RIN2: variants seen among roughly 807,000 people sequenced by gnomAD.
RIN2 encodes RAB5 interacting protein 2.
Under a neutral mutation model 78.0 loss-of-function variants are expected in RIN2, and 36 were observed. The observed-to-expected ratio is 0.46, with a 90% CI of 0.35 to 0.61. The LOEUF is 0.61. Ranked by LOEUF, RIN2 falls within the 20% of genes least tolerant of loss-of-function variation. The pLI is 0.00. For missense variants in RIN2, 1,087 were observed against 1,159.7 expected, an observed-to-expected ratio of 0.94 and a Z score of 0.91; for synonymous variants, 466 against 466.8, an observed-to-expected ratio of 1.00 and a Z score of 0.02.
At chr20:19,847,735 TAAATA>T (rs1473640706) in intron 2 of RIN2, among the ~76,000 whole-genome samples, 22 of 152,238 alleles carry the variant, frequency 1.4e-4, no homozygotes, top group Middle Eastern at 3.2e-3. Context: ...ATTGGGAAAT[TAAATA>T]GTATTAAAAT....
chr20:19,896,697 G>T (rs140543085), intron 3 of RIN2, among the ~76,000 whole-genome samples: 23 of 152,288 alleles, frequency 1.5e-4, no homozygotes, highest in African/African-American at 4.1e-4. Flanking sequence ...ACCTGTATCT[G>T]GATGTGTCTT....
chr20:19,779,681 G>A (rs1209842161), intron 1 of RIN2, among the ~76,000 whole-genome samples: 8 of 152,180 alleles, frequency 5.3e-5, no homozygotes, highest in Non-Finnish European at 1.2e-4. Context: ...GGAAAAACAA[G>A]TATTAATATT....
intron 2 of RIN2, among the ~76,000 whole-genome samples, chr20:19,849,154 C>T (rs142246749): frequency 3.8e-3 from 583 of 152,076 alleles, no homozygotes; most frequent in Non-Finnish European, 6.6e-3. Flanking sequence ...ACTTAAACCA[C>T]CAGATTTTGC....
In RIN2 at chr20:19,904,667, A is replaced by G. The variant is rs1041807166; in HGVS notation, c.57+15009A>G. ...GGCAGGCCGGAAGGGCAGGAGGGGCAGGATGCCAGTCATGCCAGCCAGGTG... is the reference window on the plus strand; with the variant it reads ...GGCAGGCCGGAAGGGCAGGAGGGGCGGGATGCCAGTCATGCCAGCCAGGTG... On this transcript the variant is annotated intron_variant, in intron 3 of 12. Coordinates refer to ENST00000255006, the MANE Select transcript of RIN2 (RefSeq NM_018993.4). Among the ~76,000 whole-genome samples, 5 of 152,374 alleles carry G rather than the reference A, an allele frequency of 3.3e-5. No individual in the cohort carries two copies. The East Asian group carries it at 9.7e-4, about 29-fold the overall frequency.
intron 3 of RIN2, among the ~76,000 whole-genome samples, chr20:19,912,386 G>A (rs1338429608): frequency 6.6e-6 from 1 of 151,826 alleles, no homozygotes; most frequent in Admixed American, 6.6e-5. Context: ...ATCTCAGCCA[G>A]TTCACCTGGC....
At chr20:19,903,205 T>G (rs1327179151) in intron 3 of RIN2, among the ~76,000 whole-genome samples, 2 of 152,120 alleles carry the variant, frequency 1.3e-5, no homozygotes, top group Non-Finnish European at 2.9e-5. Context: ...TGAGGGTAAT[T>G]TGTTGCTAGG....
chr20:19,859,502 A>G (rs1408232960), intron 2 of RIN2, among the ~76,000 whole-genome samples: 1 of 152,178 alleles, frequency 6.6e-6, no homozygotes, highest in Non-Finnish European at 1.5e-5. Flanking sequence ...TACCCAACAG[A>G]CAGCTTTCAA....
chr20:19,859,628 A>T (rs1160775009), intron 2 of RIN2, among the ~76,000 whole-genome samples: 1 of 152,184 alleles, frequency 6.6e-6, no homozygotes, highest in Non-Finnish European at 1.5e-5. Context: ...GACAGTAGCT[A>T]CCATGTGCAT....
chr20:19,796,735 TA>T (rs1568759910), intron 1 of RIN2, among the ~76,000 whole-genome samples: 1 of 152,190 alleles, frequency 6.6e-6, no homozygotes. Context: ...GGAGCTTGCT[TA>T]AAGCTTCACA....
At chr20:19,777,728 G>A (rs943168980) in intron 1 of RIN2, among the ~76,000 whole-genome samples, 3 of 152,202 alleles carry the variant, frequency 2.0e-5, no homozygotes, top group Non-Finnish European at 4.4e-5. Flanking sequence ...AATTTCTCTG[G>A]TTTAGTTTTC....
chr20:19,964,839 C>T (rs1406392757), intron 6 of RIN2, 113 bp from the exon 7 acceptor site: 9 of 857,172 alleles, frequency 1.0e-5, no homozygotes, highest in South Asian at 6.9e-5. Flanking sequence ...ATAAGCCACA[C>T]GGTAGTTTGT....
chr20:19,806,601 CAGT>C (rs1333696256), intron 2 of RIN2, among the ~76,000 whole-genome samples: 2 of 152,154 alleles, frequency 1.3e-5, no homozygotes, highest in Non-Finnish European at 2.9e-5. Flanking sequence ...TCTCCAAACT[CAGT>C]AGGAAAACTG....
intron 3 of RIN2, among the ~76,000 whole-genome samples, chr20:19,890,969 A>C (rs1204916369): frequency 6.6e-6 from 1 of 152,186 alleles, no homozygotes; most frequent in Non-Finnish European, 1.5e-5. Flanking sequence ...TGACAAGTAA[A>C]CCCTTGTTTG....
intron 3 of RIN2, among the ~76,000 whole-genome samples, chr20:19,910,115 C>T (rs1025192735): frequency 6.6e-6 from 1 of 152,150 alleles, no homozygotes; most frequent in African/African-American, 2.4e-5. Flanking sequence ...GGAAGTGTTT[C>T]CTTGCAACCT....
At chr20:19,855,337 A>G (rs1310143126) in intron 2 of RIN2, among the ~76,000 whole-genome samples, 4 of 152,102 alleles carry the variant, frequency 2.6e-5, no homozygotes, top group African/African-American at 9.7e-5. Context: ...TTTGTCTAAA[A>G]TTCACTTTTT....
At chr20:19,807,373 C>T (rs1426768359) in intron 2 of RIN2, among the ~76,000 whole-genome samples, 4 of 152,148 alleles carry the variant, frequency 2.6e-5, no homozygotes, top group Admixed American at 6.5e-5. Context: ...TAAGTCTTTG[C>T]CAGTGCTAGT....
intron 2 of RIN2, among the ~76,000 whole-genome samples, chr20:19,852,558 C>T (rs76090302): frequency 1.3e-5 from 2 of 152,178 alleles, no homozygotes; most frequent in African/African-American, 4.8e-5. Flanking sequence ...ATCCAGGTCT[C>T]GTTGCCTGAG....
intron 7 of RIN2, among the ~76,000 whole-genome samples, chr20:19,967,077 G>A (rs1665937433): frequency 6.6e-6 from 1 of 152,210 alleles, no homozygotes; most frequent in African/African-American, 2.4e-5. Flanking sequence ...TAATTGTGGA[G>A]TTGCTGGGAA....
chr20:20,000,660 A>G lies in RIN2; in HGVS notation c.2412A>G (p.Gly804=), dbSNP rs2043115647. The change falls in exon 13 of 13, where the codon GGA becomes GGG. Residue 804 remains glycine, a synonymous_variant. Coordinates refer to ENST00000255006, the MANE Select transcript of RIN2 (RefSeq NM_018993.4). The part of the protein sequence containing the change: ...AFQEVNSGCT[G]KTLLVRPYIT... ...AGGAGGTCAACAGTGGTTGCACAGG[A>G]AAGACCCTCCTTGTGAGACCTTACA... 5.0e-6 allele frequency: 8 copies of G among 1,611,462 alleles called. No homozygotes were observed. The highest frequency in any genetic ancestry group is 6.8e-6 in the Non-Finnish European group (8 of 1,177,788).
Sources: allele counts gnomAD v4.1 joint callset (sites outside exome capture counted in the v4.1 genomes callset), GRCh38; gene constraint gnomAD v4.1.1; transcripts MANE v1.5; gene names NCBI Gene and HGNC (gene_info 2026-07-23, HGNC 2026-07-21).